The following PTPRD variants were observed in gnomAD, a reference collection of about 807,000 sequenced individuals.
PTPRD encodes protein tyrosine phosphatase receptor type D, also known as receptor-type tyrosine-protein phosphatase delta.
In PTPRD, 34 loss-of-function variants were observed where a neutral mutation model predicts 214.5. The observed-to-expected ratio is 0.16, with a 90% CI of 0.12 to 0.21. PTPRD has a LOEUF of 0.21. PTPRD is among the 10% of genes least tolerant of loss of function. The pLI is 1.00. For missense variants in PTPRD, 2,545 were observed against 2,398.7 expected, an observed-to-expected ratio of 1.06 and a Z score of -1.27; for synonymous variants, 1,128 against 845.7, an observed-to-expected ratio of 1.33 and a Z score of -5.79.
chr9:10,477,278 A>G (rs1203012157), intron 2 of PTPRD, among the ~76,000 whole-genome samples: 1 of 152,172 alleles, frequency 6.6e-6, no homozygotes, highest in Non-Finnish European at 1.5e-5. Flanking sequence ...ACTTAAACAA[A>G]TTTACAAGAA....
chr9:8,750,478 A>C (rs891362669), intron 11 of PTPRD, among the ~76,000 whole-genome samples: 2 of 151,954 alleles, frequency 1.3e-5, no homozygotes, highest in African/African-American at 4.8e-5. Flanking sequence ...TTTTTAAGGT[A>C]CCTGGTAAGT....
intron 12 of PTPRD, among the ~76,000 whole-genome samples, chr9:8,687,934 A>G (rs966339085): frequency 2.0e-5 from 3 of 152,208 alleles, no homozygotes; most frequent in African/African-American, 7.2e-5. Context: ...GTCCCAAATA[A>G]TCAGAAAAAT....
At chr9:10,420,890 A>T (rs943872646) in intron 2 of PTPRD, among the ~76,000 whole-genome samples, 7 of 150,916 alleles carry the variant, frequency 4.6e-5, no homozygotes, top group African/African-American at 1.7e-4. Context: ...TATTTCTAAG[A>T]CTCCCACATT....
At chr9:8,592,335 A>T (rs569520466) in intron 14 of PTPRD, among the ~76,000 whole-genome samples, 1 of 152,158 alleles carries the variant, frequency 6.6e-6, no homozygotes, top group Non-Finnish European at 1.5e-5. Flanking sequence ...TAGCTGACTA[A>T]ACTTTAAAAC....
intron 37 of PTPRD, among the ~76,000 whole-genome samples, chr9:8,377,057 A>T (rs2083458684): frequency 6.6e-6 from 1 of 152,256 alleles, no homozygotes; most frequent in East Asian, 1.9e-4. Context: ...CCTGGGATAG[A>T]CGTTATGAAT....
chr9:9,468,782 A>G (rs1450298809), intron 8 of PTPRD, among the ~76,000 whole-genome samples: 1 of 152,156 alleles, frequency 6.6e-6, no homozygotes, highest in African/African-American at 2.4e-5. Context: ...AAATTAAATT[A>G]TAATTTTATT....
intron 7 of PTPRD, among the ~76,000 whole-genome samples, chr9:9,630,255 G>C (rs1019161121): frequency 6.6e-6 from 1 of 152,130 alleles, no homozygotes; most frequent in African/African-American, 2.4e-5. Context: ...TTTCATTTAG[G>C]TCATAGACAA....
At chr9:9,703,944 G>A (rs2097548396) in intron 7 of PTPRD, among the ~76,000 whole-genome samples, 1 of 152,042 alleles carries the variant, frequency 6.6e-6, no homozygotes. Flanking sequence ...GAGTGCAGTG[G>A]CATAACCACC....
At chr9:9,558,514 A>G (rs1321153747) in intron 8 of PTPRD, among the ~76,000 whole-genome samples, 1 of 152,152 alleles carries the variant, frequency 6.6e-6, no homozygotes, top group Non-Finnish European at 1.5e-5. Context: ...CACCTGATAC[A>G]TAGACAGGCT....
chr9:10,135,561 T>G lies in PTPRD; in HGVS notation c.-544-101771A>C, dbSNP rs2098936548. 2.6e-5 allele frequency among the ~76,000 whole-genome samples: 4 copies of G among 152,190 alleles called. No individual in the cohort carries two copies. In the South Asian group the frequency reaches 8.3e-4, roughly 32 times the overall value. ...CAGGAACATTACAAGCCAGGAAAGA[T>G]GGGGGTCTATATTTAGCATCCTTAA... On this transcript the variant is annotated intron_variant, in intron 3 of 45. Transcript: ENST00000381196.
chr9:10,193,313 A>G (rs1456041745), intron 3 of PTPRD, among the ~76,000 whole-genome samples: 3 of 152,026 alleles, frequency 2.0e-5, no homozygotes, highest in African/African-American at 7.2e-5. Context: ...CTGGGGAAAA[A>G]AATTCTACTC....
intron 8 of PTPRD, among the ~76,000 whole-genome samples, chr9:9,445,584 A>T (rs1290753255): frequency 6.6e-6 from 1 of 152,152 alleles, no homozygotes; most frequent in Non-Finnish European, 1.5e-5. Context: ...CCTTCTTCAC[A>T]TGGCAGCAGG....
intron 2 of PTPRD, among the ~76,000 whole-genome samples, chr9:10,549,022 T>C (rs1187300297): frequency 6.6e-6 from 1 of 152,180 alleles, no homozygotes; most frequent in Non-Finnish European, 1.5e-5. Flanking sequence ...ATGAGACAAT[T>C]ATGGCAAGTT....
chr9:9,998,511 C>T (rs926456586), intron 4 of PTPRD, among the ~76,000 whole-genome samples: 2 of 151,928 alleles, frequency 1.3e-5, no homozygotes, highest in Admixed American at 6.6e-5. Context: ...TTTTCTCAAC[C>T]TTAGTTGACA....
rs1008632509 is a variant in PTPRD at position 9,661,637 on chromosome 9, A to G, written c.-287+72896T>C. Among the ~76,000 whole-genome samples the G allele has an allele frequency of 2.0e-5, 3 of 151,990 alleles. No individual in the cohort carries two copies. In the South Asian group the frequency reaches 6.2e-4, roughly 31 times the overall value. ...GCTTCATAAAAACAAACAAACAAAA[A>G]AGTATGTCTAATTTGTTTGCCACTA... is the stretch of plus-strand genomic sequence containing the variant. On this transcript the variant is annotated intron_variant, in intron 7 of 45. Coordinates refer to ENST00000381196, the MANE Select transcript of PTPRD (RefSeq NM_002839.4).
At chr9:9,693,576 A>G (rs139665375) in intron 7 of PTPRD, among the ~76,000 whole-genome samples, 14 of 152,268 alleles carry the variant, frequency 9.2e-5, no homozygotes, top group South Asian at 6.2e-4. Flanking sequence ...AGTCTTATTT[A>G]GGTTAAGTAT....
chr9:10,502,387 C>A (rs2044070555), intron 2 of PTPRD, among the ~76,000 whole-genome samples: 1 of 151,666 alleles, frequency 6.6e-6, no homozygotes, highest in African/African-American at 2.4e-5. Context: ...TTACAGAGAA[C>A]CCAAGAATCA....
intron 10 of PTPRD, among the ~76,000 whole-genome samples, chr9:9,124,397 T>C (rs920769690): frequency 6.6e-6 from 1 of 152,150 alleles, no homozygotes; most frequent in Non-Finnish European, 1.5e-5. Flanking sequence ...TTAAAATAGA[T>C]GCAAAAATAC....
At chr9:9,752,180 T>C (rs989861894) in intron 6 of PTPRD, among the ~76,000 whole-genome samples, 2 of 152,080 alleles carry the variant, frequency 1.3e-5, no homozygotes, top group Admixed American at 6.6e-5. Flanking sequence ...CTTAGCTAAA[T>C]TGAAGTTTGG....
Sources: allele counts gnomAD v4.1 joint callset (sites outside exome capture counted in the v4.1 genomes callset), GRCh38; gene constraint gnomAD v4.1.1; transcripts MANE v1.5; gene names NCBI Gene and HGNC (gene_info 2026-07-23, HGNC 2026-07-21).